TMEM178B: variants seen among roughly 807,000 people sequenced by gnomAD.
TMEM178B encodes the protein transmembrane protein 178B.
TMEM178B carries 5 observed loss-of-function variants against 31.0 expected under a neutral mutation model. The observed-to-expected ratio is 0.16, with a 90% CI of 0.08 to 0.34. The LOEUF (loss-of-function observed/expected upper bound fraction) is 0.34. TMEM178B is among the 10% of genes least tolerant of loss of function. The probability of loss-of-function intolerance (pLI) is 1.00; values close to 1 mark genes in which losing one functional copy is unlikely to be tolerated. For missense variants in TMEM178B, 275 were observed against 400.3 expected, an observed-to-expected ratio of 0.69 and a Z score of 2.67; for synonymous variants, 164 against 164.0, an observed-to-expected ratio of 1.00 and a Z score of 0.00.
intron 1 of TMEM178B, among the ~76,000 whole-genome samples, chr7:141,128,057 G>A (rs1027549726): frequency 4.6e-5 from 7 of 152,154 alleles, no homozygotes; most frequent in Non-Finnish European, 1.0e-4. Context: ...TTGATAAGGT[G>A]ATTGCATAAA....
intron 1 of TMEM178B, among the ~76,000 whole-genome samples, chr7:141,075,850 A>G (rs1327682818): frequency 6.6e-6 from 1 of 152,200 alleles, no homozygotes; most frequent in East Asian, 1.9e-4. Context: ...GTATTAAAAT[A>G]ATATTTATGA....
At chr7:141,484,570 G>A (rs556721099), downstream of TMEM178B, among the ~76,000 whole-genome samples, 1 of 152,174 alleles carries the variant, frequency 6.6e-6, no homozygotes, top group South Asian at 2.1e-4. This position sits in a 1 kb window ranked among gnomAD's most constrained non-coding sequence, Gnocchi z 4.8. Flanking sequence ...TTGTTTGTTT[G>A]TTTGTTTTTG....
intron 2 of TMEM178B, among the ~76,000 whole-genome samples, chr7:141,278,243 T>C (rs1000612178): frequency 9.2e-5 from 14 of 152,190 alleles, no homozygotes; most frequent in African/African-American, 3.1e-4. Flanking sequence ...GCATTCTGCA[T>C]AGCTAAGCCC....
intron 2 of TMEM178B, among the ~76,000 whole-genome samples, chr7:141,298,066 G>C (rs1223920191): frequency 6.6e-6 from 1 of 152,152 alleles, no homozygotes; most frequent in Non-Finnish European, 1.5e-5. Context: ...GTGTGAGATG[G>C]TATCTCATTG....
At chr7:141,402,879 T>C (rs532670989) in intron 2 of TMEM178B, among the ~76,000 whole-genome samples, 17 of 152,360 alleles carry the variant, frequency 1.1e-4, no homozygotes, top group Non-Finnish European at 1.9e-4. Context: ...GACATGTGGA[T>C]ACTTAGCTTT....
intron 1 of TMEM178B, among the ~76,000 whole-genome samples, chr7:141,106,644 A>G (rs1025744376): frequency 1.2e-4 from 19 of 152,200 alleles, no homozygotes; most frequent in African/African-American, 3.9e-4. Flanking sequence ...AATTTGATAA[A>G]CACATTTGTG....
At chr7:141,435,734 T>G (rs1473029009) in intron 2 of TMEM178B, among the ~76,000 whole-genome samples, 1 of 152,134 alleles carries the variant, frequency 6.6e-6, no homozygotes, top group Non-Finnish European at 1.5e-5. Flanking sequence ...CTGACACATA[T>G]GGTAATATGA....
intron 2 of TMEM178B, among the ~76,000 whole-genome samples, chr7:141,244,954 A>G (rs1039938749): frequency 2.2e-4 from 34 of 151,872 alleles, no homozygotes; most frequent in African/African-American, 7.0e-4. Context: ...CCTGGGCAAC[A>G]TGGAGAAACC....
intron 2 of TMEM178B, among the ~76,000 whole-genome samples, chr7:141,429,339 A>C (rs901342529): frequency 1.5e-4 from 23 of 149,850 alleles, no homozygotes; most frequent in African/African-American, 4.9e-4. Flanking sequence ...ACACACACAC[A>C]CTCATACAAT....
chr7:141,097,390 A>G (rs1353040459), intron 1 of TMEM178B, among the ~76,000 whole-genome samples: 1 of 143,268 alleles, frequency 7.0e-6, no homozygotes, highest in Non-Finnish European at 1.5e-5. Flanking sequence ...AAAAAAAAAG[A>G]CAAAATGTAA....
chr7:141,487,220 C>T, the TMEM178B span, among the ~76,000 whole-genome samples: 21 of 152,074 alleles, frequency 1.4e-4, no homozygotes, highest in Admixed American at 5.9e-4. Flanking sequence ...TAGTAAGAGA[C>T]GGACCTACCA....
intron 2 of TMEM178B, among the ~76,000 whole-genome samples, chr7:141,293,156 T>G (rs1586875157): frequency 1.3e-5 from 2 of 152,180 alleles, no homozygotes; most frequent in Non-Finnish European, 2.9e-5. Context: ...ATCTGGGGTT[T>G]GGAGATGAAA....
chr7:141,331,500 T>A (rs948978942), intron 2 of TMEM178B, among the ~76,000 whole-genome samples: 2 of 152,104 alleles, frequency 1.3e-5, no homozygotes, highest in African/African-American at 4.8e-5. Context: ...GAGCTTCCCT[T>A]GGAATTAGCA....
the TMEM178B span, among the ~76,000 whole-genome samples, chr7:141,506,948 AG>A: frequency 6.6e-6 from 1 of 152,164 alleles, no homozygotes; most frequent in Non-Finnish European, 1.5e-5. Flanking sequence ...CTGAAATCCA[AG>A]GGGGCAATCA....
At chr7:141,313,943 G>A (rs571531102) in intron 2 of TMEM178B, among the ~76,000 whole-genome samples, 109 of 152,228 alleles carry the variant, frequency 7.2e-4, no homozygotes, top group African/African-American at 2.5e-3. Flanking sequence ...CCCTGATAGG[G>A]AGCAGACAAG....
At chr7:141,429,336 C>CTCAT (rs1195119084) in intron 2 of TMEM178B, among the ~76,000 whole-genome samples, 2 of 142,676 alleles carry the variant, frequency 1.4e-5, no homozygotes, top group African/African-American at 5.4e-5. Flanking sequence ...CACACACACA[C>CTCAT]ACACTCATAC....
chr7:141,475,589 G>C lies in TMEM178B; in HGVS notation c.*4803G>C. The C allele has an allele frequency of 6.6e-6, 1 of 152,270 alleles. No homozygotes were observed. The highest frequency in any genetic ancestry group is 1.9e-4 in the East Asian group (1 of 5,186). The allele number at this position is 152,270 out of a possible 1,614,324, so 9.4% of individuals were successfully genotyped here. The stretch of plus-strand genomic sequence containing the variant: ...TGGGTTGGCAGCTGGGGCCATGTGA[G>C]CAGTGTACACCACAGAACCGCACTG... On this transcript the variant is annotated 3_prime_UTR_variant, in exon 4 of 4. Coordinates refer to ENST00000565468, the MANE Select transcript of TMEM178B (RefSeq NM_001195278.2).
chr7:141,114,136 T>C (rs1214527333), intron 1 of TMEM178B, among the ~76,000 whole-genome samples: 1 of 152,234 alleles, frequency 6.6e-6, no homozygotes, highest in East Asian at 1.9e-4. Context: ...ATTGATTCTA[T>C]AGGAATTGCA....
chr7:141,382,190 C>T (rs965946568), intron 2 of TMEM178B, among the ~76,000 whole-genome samples: 4 of 152,094 alleles, frequency 2.6e-5, no homozygotes, highest in African/African-American at 9.7e-5. Context: ...TGTGTCAGTC[C>T]CCTGTGTACA....
Sources: gnomAD v4.1 joint callset for allele counts (sites outside exome capture counted in the v4.1 genomes callset) on GRCh38, gnomAD v4.1.1 for gene constraint, Gnocchi (gnomAD v3.1) non-coding constraint, MANE v1.5 for transcripts, NCBI Gene and HGNC (gene_info 2026-07-23, HGNC 2026-07-21) for gene names.